The following THADA variants were observed in gnomAD, a reference collection of about 807,000 sequenced individuals.
The protein encoded by THADA is tRNA (32-2'-O)-methyltransferase regulator THADA.
A neutral mutation model predicts 219.8 loss-of-function variants in THADA; 213 were observed. The ratio of observed to expected loss-of-function variants is 0.97; its 90% confidence interval spans 0.87 to 1.09. The LOEUF is 1.09. Among genes scored for constraint, THADA ranks in the 50% least tolerant of loss-of-function variants. THADA has a pLI of 0.00. For missense variants in THADA, 2,956 were observed against 2,311.3 expected, an observed-to-expected ratio of 1.28 and a Z score of -5.72; for synonymous variants, 1,018 against 828.9, an observed-to-expected ratio of 1.23 and a Z score of -3.92.
Position 43,462,815 on chromosome 2 carries a change from T to C in THADA, c.3836+22419A>G, listed in dbSNP as rs147423009. Among the ~76,000 whole-genome samples, 186 of 152,094 alleles carry C rather than the reference T, an allele frequency of 1.2e-3. 1 individual carries two copies. The East Asian group carries it at 0.028, about 23-fold the overall frequency. On this transcript the variant is annotated intron_variant, in intron 26 of 37. Transcript: ENST00000405975. ...ACAAAAAGCCATCTTTTTTGGAAAA[T>C]TGTCTTAAATACTAAAAGGCATTTC...
intron 26 of THADA, among the ~76,000 whole-genome samples, chr2:43,474,302 T>C (rs1302469061): frequency 6.6e-6 from 1 of 152,202 alleles, no homozygotes; most frequent in Non-Finnish European, 1.5e-5. Flanking sequence ...AAGAGCTCTG[T>C]TCCAGGTACA....
chr2:43,342,086 G>A (rs1050211044), intron 30 of THADA, among the ~76,000 whole-genome samples: 12 of 152,260 alleles, frequency 7.9e-5, no homozygotes, highest in African/African-American at 2.6e-4. Context: ...ATAGTGGCGT[G>A]TGCCTGTAGT....
At chr2:43,340,980 C>T (rs1439987234) in intron 30 of THADA, among the ~76,000 whole-genome samples, 1 of 152,154 alleles carries the variant, frequency 6.6e-6, no homozygotes, top group Non-Finnish European at 1.5e-5. Flanking sequence ...CTATAATTTG[C>T]TATTTAGGAA....
intron 29 of THADA, among the ~76,000 whole-genome samples, chr2:43,348,859 C>A (rs1667938220): frequency 6.6e-6 from 1 of 152,080 alleles, no homozygotes; most frequent in South Asian, 2.1e-4. Flanking sequence ...AAAAAGAATT[C>A]TTCAGGGACA....
At chr2:43,507,776 G>A (rs1412165981) in intron 23 of THADA, among the ~76,000 whole-genome samples, 2 of 152,040 alleles carry the variant, frequency 1.3e-5, no homozygotes, top group African/African-American at 4.8e-5. Flanking sequence ...TTCAGGATGG[G>A]GTCTGATTTA....
intron 7 of THADA, among the ~76,000 whole-genome samples, chr2:43,585,569 T>TAGATAGAC (rs762890207): frequency 2.2e-4 from 31 of 142,938 alleles, no homozygotes; most frequent in Non-Finnish European, 3.8e-4. Flanking sequence ...GATAGATAGA[T>TAGATAGAC]AGATAGATAG....
At chr2:43,387,723 CA>C (rs1206241516) in intron 29 of THADA, among the ~76,000 whole-genome samples, 3 of 152,106 alleles carry the variant, frequency 2.0e-5, no homozygotes, top group African/African-American at 4.8e-5. Context: ...GTTGTTGTCA[CA>C]AATGAAGGAG....
chr2:43,590,653 A>G (rs1262686865), intron 4 of THADA, among the ~76,000 whole-genome samples, 171 bp downstream of exon 4: 2 of 151,894 alleles, frequency 1.3e-5, no homozygotes, highest in Non-Finnish European at 2.9e-5. Context: ...TCAAAAAAAA[A>G]AAAAAAAAAA....
chr2:43,295,998 C>T (rs1216611994), intron 31 of THADA, among the ~76,000 whole-genome samples: 2 of 150,654 alleles, frequency 1.3e-5, no homozygotes, highest in Admixed American at 1.3e-4. Flanking sequence ...CGGCTCACTG[C>T]AACCTCCACC....
intron 26 of THADA, among the ~76,000 whole-genome samples, chr2:43,480,092 G>A (rs899679874): frequency 1.3e-5 from 2 of 152,230 alleles, no homozygotes; most frequent in Non-Finnish European, 2.9e-5. Flanking sequence ...TGTTTGGTGT[G>A]TAACAGCATG....
rs533545917 is a variant in THADA at position 43,571,411 on chromosome 2, C to T, written c.2064+296G>A. Reference sequence around the variant, plus strand: ...GACTACAGGCACACACTGCCACAACCGGCTAATTTTTTTGTATTTTAGTAG... The same window carrying T: ...GACTACAGGCACACACTGCCACAACTGGCTAATTTTTTTGTATTTTAGTAG... On this transcript the variant is annotated intron_variant, in intron 13 of 37. Transcript: ENST00000405975. 7.2e-5 allele frequency among the ~76,000 whole-genome samples: 11 copies of T among 152,024 alleles called. No homozygotes were observed. The South Asian group carries it at 1.0e-3, about 14-fold the overall frequency.
At chr2:43,489,874 C>CAAAAAAAAAAAAAAAAAA (rs201735523) in intron 25 of THADA, among the ~76,000 whole-genome samples, 1,560 of 55,918 alleles carry the variant, frequency 0.028, 123 homozygotes, top group Non-Finnish European at 0.035. Context: ...TTAAGATCTG[C>CAAAAAAAAAAAAAAAAAA]AAAAAAAAAA....
intron 31 of THADA, among the ~76,000 whole-genome samples, chr2:43,303,058 G>T (rs562297328): frequency 6.6e-6 from 1 of 152,314 alleles, no homozygotes; most frequent in South Asian, 2.1e-4. Context: ...GTGAATTACA[G>T]CTTTGGAGAA....
intron 22 of THADA, among the ~76,000 whole-genome samples, chr2:43,514,013 T>A (rs1690835070): frequency 6.7e-6 from 1 of 149,598 alleles, no homozygotes; most frequent in Non-Finnish European, 1.5e-5. Context: ...TGAGTTATGA[T>A]GACACCACTA....
chr2:43,378,132 T>G (rs986512645), intron 29 of THADA, among the ~76,000 whole-genome samples: 1 of 151,968 alleles, frequency 6.6e-6, no homozygotes, highest in East Asian at 1.9e-4. Context: ...GAAGTAAACA[T>G]AATTACCATG....
chr2:43,515,330 TATA>T lies in THADA; in HGVS notation c.3375-6553_3375-6551del, dbSNP rs1354754689. On this transcript the variant is annotated intron_variant, in intron 22 of 37. Transcript: ENST00000405975. Reference sequence around the variant, plus strand: ...AATATATAATATTTTATATATAATATATAATATAATATATAATATTTTATATAT... The same window carrying T: ...AATATATAATATTTTATATATAATATATATAATATATAATATTTTATATAT... Among the ~76,000 whole-genome samples the T allele has an allele frequency of 4.8e-4, 11 of 22,886 alleles. 1 individual carries two copies. The highest frequency in any genetic ancestry group is 8.5e-4 in the Non-Finnish European group (11 of 12,988). 15.0% of individuals were successfully genotyped at this position (22,886 alleles called of 152,430 possible).
intron 28 of THADA, among the ~76,000 whole-genome samples, chr2:43,407,350 A>G (rs557960929): frequency 6.6e-6 from 1 of 152,328 alleles, no homozygotes; most frequent in African/African-American, 2.4e-5. Context: ...TTTAGAAAGG[A>G]ATGCTTTTAT....
chr2:43,465,712 T>C (rs1684150003), intron 26 of THADA, among the ~76,000 whole-genome samples: 1 of 152,186 alleles, frequency 6.6e-6, no homozygotes, highest in Non-Finnish European at 1.5e-5. Flanking sequence ...TCATTCACTT[T>C]CCTGGCATAA....
Position 43,245,172 on chromosome 2 carries a change from C to CTTTTTTTTTTTTTTTTTTTTT in THADA, c.5297-12291_5297-12290insAAAAAAAAAAAAAAAAAAAAA, listed in dbSNP as rs200036949. 7.2e-4 allele frequency among the ~76,000 whole-genome samples: 74 copies of CTTTTTTTTTTTTTTTTTTTTT among 103,082 alleles called. 14 individuals carry two copies. Among genetic ancestry groups the CTTTTTTTTTTTTTTTTTTTTT allele is most frequent in the Middle Eastern group, 6.3e-3 (1 of 160 alleles). 67.6% of individuals were successfully genotyped at this position (103,082 alleles called of 152,430 possible). A position where few individuals can be genotyped will look rare whatever the true frequency, so the allele number is the denominator to read the frequency against. ...TACTGGAGCTTCTTTCTTTCTTCTT[C>CTTTTTTTTTTTTTTTTTTTTT]TTTTTTTTTTTTTTTTTTGAGACGG... is the stretch of plus-strand genomic sequence containing the variant. On this transcript the variant is annotated intron_variant, in intron 36 of 37. Transcript: ENST00000405975.
Sources: gnomAD v4.1 joint callset for allele counts (sites outside exome capture counted in the v4.1 genomes callset) on GRCh38, gnomAD v4.1.1 for gene constraint, MANE v1.5 for transcripts, NCBI Gene and HGNC (gene_info 2026-07-23, HGNC 2026-07-21) for gene names.